MACF1: variants seen among roughly 807,000 people sequenced by gnomAD.
The protein encoded by MACF1 is microtubule-actin cross-linking factor 1.
Under a neutral mutation model 854.8 loss-of-function variants are expected in MACF1, and 193 were observed. The observed-to-expected ratio is 0.23, with a 90% CI of 0.20 to 0.25. The LOEUF (loss-of-function observed/expected upper bound fraction) is 0.25, where lower values mean the gene tolerates loss of function less well. Among genes scored for constraint, MACF1 ranks in the 10% least tolerant of loss-of-function variants. MACF1 has a pLI of 1.00. For synonymous variants in MACF1, 3,185 were observed against 3,226.7 expected (o/e 0.99, Z 0.44); for missense variants, 7,722 against 8,929.1 (o/e 0.86, Z 5.45).
At position 39,460,709 on chromosome 1, in the gene MACF1, A is replaced by T. The variant is rs1258303306; in HGVS notation, c.21438A>T (p.Arg7146=). The change falls in exon 92 of 101, where the codon CGA becomes CGT. Residue 7146 remains arginine, a synonymous_variant. Transcript: ENST00000564288. This position sits in a 1 kb window ranked among gnomAD's most constrained non-coding sequence, Gnocchi z 4.1. Reference sequence around the variant, plus strand: ...GTTGGATGAATCACAAAAAGTCTCGAGTGATGGATTTCTTCCGGCGCATTG... The same window carrying T: ...GTTGGATGAATCACAAAAAGTCTCGTGTGATGGATTTCTTCCGGCGCATTG... The part of the protein sequence containing the change: ...YMRWMNHKKS[R]VMDFFRRIDK... 6.2e-7 allele frequency: 1 copy of T among 1,614,210 alleles called. No homozygotes were observed. Among genetic ancestry groups the T allele is most frequent in the Admixed American group, 1.7e-5 (1 of 60,028 alleles).
chr1:39,144,591 C>G (rs1013753767), intron 2 of MACF1, among the ~76,000 whole-genome samples: 3 of 152,154 alleles, frequency 2.0e-5, no homozygotes, highest in Non-Finnish European at 2.9e-5. Context: ...GGTGTCAGCC[C>G]CATTTGAAGA....
At chr1:39,119,902 CAG>C (rs1346050972) in intron 2 of MACF1, among the ~76,000 whole-genome samples, 1,008 of 83,572 alleles carry the variant, frequency 0.012, 17 homozygotes, top group African/African-American at 0.045. Context: ...TTTTTTGAGA[CAG>C]AGTTTTGCTC....
intron 60 of MACF1, among the ~76,000 whole-genome samples, chr1:39,423,201 T>G (rs1232960344): frequency 6.6e-6 from 1 of 152,224 alleles, no homozygotes; most frequent in Admixed American, 6.5e-5. Context: ...TAGTGTTGTA[T>G]ATCATGTACA....
Position 39,331,338 on chromosome 1 carries a change from C to G in MACF1, c.4750C>G (p.Leu1584Val). 1.2e-6 allele frequency: 2 copies of G among 1,614,028 alleles called. No individual in the cohort carries two copies. Among genetic ancestry groups the G allele is most frequent in the East Asian group, 2.2e-5 (1 of 44,872 alleles). Residue 1584 changes from leucine to valine, a missense_variant, in exon 37 of 101, where the codon CTC (leucine) becomes GTC (valine). Transcript: ENST00000564288. The part of the protein sequence containing the change: ...LLESQVIMSG[L>V]IAPETGENLS... ...GGAATCTCAGGTTATCATGTCTGGC[C>G]TCATTGCCCCTGAGACGGGTGAAAA...
intron 2 of MACF1, among the ~76,000 whole-genome samples, chr1:39,180,029 A>T (rs1052355263): frequency 1.4e-5 from 2 of 146,130 alleles, no homozygotes; most frequent in East Asian, 2.0e-4. Context: ...ATGAAATTTT[A>T]AAAAAATGAA....
Position 39,350,998 on chromosome 1 carries a change from T to A in MACF1, c.11179T>A (p.Leu3727Ile). ...ACTGGAGGAAGCAGTGACCTCCGCC[T>A]TACAGCAGGAGACTGAAAAGGTAAT... ...KELEEAVTSALQQETEKSKAA... is the reference protein window; with the variant it reads ...KELEEAVTSAIQQETEKSKAA... The change falls in exon 43 of 101, where the codon TTA becomes ATA. Residue 3727 changes from leucine to isoleucine, a missense_variant. Transcript: ENST00000564288. 6.2e-7 allele frequency: 1 copy of A among 1,613,972 alleles called. No individual in the cohort carries two copies. Among genetic ancestry groups the A allele is most frequent in the Non-Finnish European group, 8.5e-7 (1 of 1,179,890 alleles).
chr1:39,412,306 G>A lies in MACF1; in HGVS notation c.15817-10068G>A, dbSNP rs748511136. On this transcript the variant is annotated intron_variant, in intron 58 of 100. Transcript: ENST00000564288. ...ATATGAATCAAATTTACTAACAGATGAAATTCATTTGGAAAGTGGGAATGT... is the reference window on the plus strand; with the variant it reads ...ATATGAATCAAATTTACTAACAGATAAAATTCATTTGGAAAGTGGGAATGT... 3.7e-6 allele frequency: 6 copies of A among 1,613,986 alleles called. No individual in the cohort carries two copies. In the Admixed American group the frequency reaches 5.0e-5, roughly 13 times the overall value.
rs570061985 is a variant in MACF1 at position 39,436,379 on chromosome 1, C to T, written c.17988+618C>T. 2.7e-5 allele frequency: 32 copies of T among 1,206,354 alleles called. No homozygotes were observed. In the African/African-American group the frequency reaches 2.8e-4, roughly 11 times the overall value. 74.7% of individuals were successfully genotyped at this position (1,206,354 alleles called of 1,614,324 possible). On this transcript the variant is annotated intron_variant, in intron 70 of 100. Transcript: ENST00000564288. Reference sequence around the variant, plus strand: ...TCCCCCCACCTTCCGTCCCATCTCTCACTCACATTGTGGAATGTGTTACTT... The same window carrying T: ...TCCCCCCACCTTCCGTCCCATCTCTTACTCACATTGTGGAATGTGTTACTT...
At chr1:39,090,757 CAG>C (rs902013088) in intron 2 of MACF1, among the ~76,000 whole-genome samples, 6 of 152,284 alleles carry the variant, frequency 3.9e-5, no homozygotes, top group African/African-American at 1.2e-4. Flanking sequence ...CTCATGGGCT[CAG>C]GGGTTAGATG....
chr1:39,105,578 G>A lies in MACF1; in HGVS notation c.220+21140G>A. The A allele has an allele frequency of 8.5e-7, 1 of 1,183,088 alleles. No homozygotes were observed. Among genetic ancestry groups the A allele is most frequent in the Non-Finnish European group, 1.1e-6 (1 of 935,038 alleles). 73.3% of individuals were successfully genotyped at this position (1,183,088 alleles called of 1,614,324 possible). A position where few individuals can be genotyped will look rare whatever the true frequency, so the allele number is the denominator to read the frequency against. Reference sequence around the variant, plus strand: ...GCCGCCGCCTCAGCGCGCGGGCCTGGAACCGGCAGCCCCCGGGGCTCGGCG... The same window carrying A: ...GCCGCCGCCTCAGCGCGCGGGCCTGAAACCGGCAGCCCCCGGGGCTCGGCG... On this transcript the variant is annotated intron_variant, in intron 2 of 93. Coordinates refer to the MACF1 transcript ENST00000361689. The surrounding 1 kb of genome is among the most constrained non-coding windows in gnomAD (Gnocchi z 5.9).
rs1052329429 is a variant in MACF1 at position 39,368,145 on chromosome 1, C to T, written c.12772-3C>T. On this transcript the variant is annotated splice_region_variant and splice_polypyrimidine_tract_variant and intron_variant, in intron 49 of 100. Coordinates refer to ENST00000564288, the MANE Select transcript of MACF1 (RefSeq NM_001394062.1). Reference sequence around the variant, plus strand: ...TTAATACATTTCCTTGTTTGCTTGACAGGAGCTCAATTTGGAAATGGAAGA... The same window carrying T: ...TTAATACATTTCCTTGTTTGCTTGATAGGAGCTCAATTTGGAAATGGAAGA... 3 of 1,613,312 alleles carry T rather than the reference C, an allele frequency of 1.9e-6. No homozygotes were observed. The highest frequency in any genetic ancestry group is 2.5e-6 in the Non-Finnish European group (3 of 1,179,476).
intron 55 of MACF1, among the ~76,000 whole-genome samples, chr1:39,380,939 G>C (rs562764349): frequency 1.8e-4 from 28 of 151,942 alleles, no homozygotes; most frequent in African/African-American, 6.8e-4. Flanking sequence ...AAGAACTAAA[G>C]AGAGTATTAA....
rs146476174 is a variant in MACF1 at position 39,235,926 on chromosome 1, T to C, written c.171+4683T>C. On this transcript the variant is annotated intron_variant, in intron 2 of 100. Coordinates refer to ENST00000564288, the MANE Select transcript of MACF1 (RefSeq NM_001394062.1). Reference sequence around the variant, plus strand: ...ATTTTTGTGTGTGTGTTTGTAGAGATGGGGTCTTGGTATGTTGCCCAGGCT... The same window carrying C: ...ATTTTTGTGTGTGTGTTTGTAGAGACGGGGTCTTGGTATGTTGCCCAGGCT... 9.4e-3 allele frequency among the ~76,000 whole-genome samples: 1,426 copies of C among 152,274 alleles called. 27 individuals are homozygous for C. Among genetic ancestry groups the C allele is most frequent in the African/African-American group, 0.033 (1,354 of 41,552 alleles).
At chr1:39,425,016 A>C (rs1169346943) in intron 61 of MACF1, among the ~76,000 whole-genome samples, 1 of 152,230 alleles carries the variant, frequency 6.6e-6, no homozygotes, top group Admixed American at 6.5e-5. Context: ...TAGTGGAAGA[A>C]ACAAAATGGA....
chr1:39,322,727 G>A lies in MACF1; in HGVS notation c.4137+12G>A. ...CCATCACTCAAGAGGTGAGAGGGTG[G>A]GGGAAGGAAATACACCACTGTCTTC... On this transcript the variant is annotated intron_variant, in intron 32 of 100. Coordinates refer to ENST00000564288, the MANE Select transcript of MACF1 (RefSeq NM_001394062.1). 6.2e-7 allele frequency: 1 copy of A among 1,612,684 alleles called. No individual in the cohort carries two copies. The highest frequency in any genetic ancestry group is 8.5e-7 in the Non-Finnish European group (1 of 1,178,762).
chr1:39,362,906 T>A (rs1439078759), intron 49 of MACF1, among the ~76,000 whole-genome samples: 1 of 152,246 alleles, frequency 6.6e-6, no homozygotes, highest in East Asian at 1.9e-4. Context: ...CTTCCTCCTT[T>A]CCACATTTGT....
At position 39,441,975 on chromosome 1, in the gene MACF1, C is replaced by T; in HGVS notation, c.18696C>T (p.Asn6232=). The T allele has an allele frequency of 6.2e-7, 1 of 1,613,964 alleles. No homozygotes were observed. The highest frequency in any genetic ancestry group is 8.5e-7 in the Non-Finnish European group (1 of 1,179,922). ...AGGCTATGTTTGACTGGCTAGATAA[C>T]ACTGTGATTAAACTCTGCACCATGC... The part of the protein sequence containing the change: ...TLQAMFDWLD[N]TVIKLCTMPP... The change falls in exon 75 of 101, where the codon AAC becomes AAT. Residue 6232 remains asparagine (N), a synonymous_variant. Coordinates refer to ENST00000564288, the MANE Select transcript of MACF1 (RefSeq NM_001394062.1).
At chr1:39,467,552 A>G (rs1335189836) in intron 95 of MACF1, among the ~76,000 whole-genome samples, 2 of 152,180 alleles carry the variant, frequency 1.3e-5, no homozygotes, top group East Asian at 1.9e-4. Context: ...GAAACTCCAG[A>G]TGTTTAGAGC....
At chr1:39,339,065 G>A (rs1283061422) in intron 38 of MACF1, among the ~76,000 whole-genome samples, 1 of 152,152 alleles carries the variant, frequency 6.6e-6, no homozygotes, top group Non-Finnish European at 1.5e-5. Context: ...GATTGCTTGA[G>A]CCCAGGAGTT....
Sources: allele counts gnomAD v4.1 joint callset (sites outside exome capture counted in the v4.1 genomes callset), GRCh38; gene constraint gnomAD v4.1.1; non-coding constraint Gnocchi (gnomAD v3.1); transcripts MANE v1.5; gene names NCBI Gene and HGNC (gene_info 2026-07-23, HGNC 2026-07-21).